AGBL4: variants seen among roughly 807,000 people sequenced by gnomAD.
The protein encoded by AGBL4 is AGBL carboxypeptidase 4.
In AGBL4, 58 loss-of-function variants were observed where a neutral mutation model predicts 66.4. That is an observed-to-expected ratio of 0.87 (90% CI 0.71 to 1.09). The LOEUF is 1.09. Ranked by LOEUF, AGBL4 falls within the 50% of genes least tolerant of loss-of-function variation. The probability of loss-of-function intolerance (pLI) is 0.00; values close to 1 mark genes in which losing one functional copy is unlikely to be tolerated. For synonymous variants in AGBL4, 234 were observed against 222.9 expected (o/e 1.05, Z -0.44); for missense variants, 579 against 631.0 (o/e 0.92, Z 0.88).
intron 4 of AGBL4, among the ~76,000 whole-genome samples, chr1:49,239,685 G>C (rs1437143705): frequency 6.6e-6 from 1 of 152,056 alleles, no homozygotes; most frequent in Non-Finnish European, 1.5e-5. Flanking sequence ...ATTAGGTTTA[G>C]TGGAAGATAC....
chr1:49,255,606 A>G (rs1048557122), intron 3 of AGBL4, among the ~76,000 whole-genome samples: 1 of 152,196 alleles, frequency 6.6e-6, no homozygotes, highest in African/African-American at 2.4e-5. Flanking sequence ...CAGTGTGGCA[A>G]TTCCTCAAAA....
At chr1:49,146,137 G>A (rs1298028789) in intron 4 of AGBL4, among the ~76,000 whole-genome samples, 1 of 152,108 alleles carries the variant, frequency 6.6e-6, no homozygotes, top group Non-Finnish European at 1.5e-5. Flanking sequence ...GGAGGAAGTA[G>A]GGACAGTCAA....
chr1:49,870,012 T>C (rs965495845), intron 1 of AGBL4, among the ~76,000 whole-genome samples: 2 of 152,150 alleles, frequency 1.3e-5, no homozygotes, highest in African/African-American at 4.8e-5. Context: ...GTAATTGATA[T>C]CCCAAACATT....
chr1:48,961,887 C>T (rs1658018307), intron 5 of AGBL4, among the ~76,000 whole-genome samples: 1 of 152,196 alleles, frequency 6.6e-6, no homozygotes, highest in African/African-American at 2.4e-5. Context: ...ACATCCAGGT[C>T]CACAGCGGGG....
At chr1:49,587,390 C>T (rs1644671358) in intron 3 of AGBL4, among the ~76,000 whole-genome samples, 1 of 152,136 alleles carries the variant, frequency 6.6e-6, no homozygotes, top group African/African-American at 2.4e-5. Context: ...GGGGCCCCTC[C>T]TCTGTGTTCC....
At chr1:49,720,847 C>T (rs1351766143) in intron 2 of AGBL4, among the ~76,000 whole-genome samples, 1 of 152,080 alleles carries the variant, frequency 6.6e-6, no homozygotes, top group African/African-American at 2.4e-5. Context: ...GGTTGCAAGA[C>T]TTGCAAAGAG....
chr1:48,673,251 G>C lies in AGBL4; in HGVS notation c.635-10010C>G, dbSNP rs572870618. ...GTGCAAACAGAAATTCAAGTTAAAT[G>C]GTTTGTAGCCTTGGAAGGACATTAT... On this transcript the variant is annotated intron_variant, in intron 6 of 13. Coordinates refer to ENST00000371839, the MANE Select transcript of AGBL4 (RefSeq NM_032785.4). Among the ~76,000 whole-genome samples the C allele has an allele frequency of 5.9e-5, 9 of 152,198 alleles. No individual in the cohort carries two copies. The East Asian group carries it at 1.7e-3, about 29-fold the overall frequency.
At chr1:49,893,547 G>T (rs1250970195) in intron 1 of AGBL4, among the ~76,000 whole-genome samples, 2 of 152,172 alleles carry the variant, frequency 1.3e-5, no homozygotes, top group African/African-American at 4.8e-5. Context: ...AGACTGAAAA[G>T]CCCTTGGGCC....
intron 5 of AGBL4, among the ~76,000 whole-genome samples, chr1:48,973,711 C>G (rs1659096654): frequency 6.6e-6 from 1 of 152,122 alleles, no homozygotes; most frequent in South Asian, 2.1e-4. Flanking sequence ...CTGCTCAAAC[C>G]TTTCTCCCCC....
intron 1 of AGBL4, among the ~76,000 whole-genome samples, chr1:49,904,387 T>C (rs1650063741): frequency 1.3e-5 from 2 of 152,172 alleles, no homozygotes; most frequent in African/African-American, 4.8e-5. Flanking sequence ...TTTCCAGTGT[T>C]GGTGCAACAT....
intron 5 of AGBL4, among the ~76,000 whole-genome samples, chr1:49,008,056 T>C (rs1210817412): frequency 1.3e-5 from 2 of 152,184 alleles, no homozygotes; most frequent in African/African-American, 2.4e-5. Context: ...ATGGACTAAA[T>C]GCTCCAATAA....
At chr1:49,250,968 C>A (rs1324307458) in intron 3 of AGBL4, among the ~76,000 whole-genome samples, 1 of 152,132 alleles carries the variant, frequency 6.6e-6, no homozygotes, top group East Asian at 1.9e-4. Context: ...ACCACCATCC[C>A]CCTAGGCTTG....
At chr1:49,004,225 C>T (rs1661605920) in intron 5 of AGBL4, among the ~76,000 whole-genome samples, 1 of 152,186 alleles carries the variant, frequency 6.6e-6, no homozygotes. Context: ...TTTTCACTCT[C>T]AATATGAGCT....
chr1:49,853,164 AC>A (rs1557514614), intron 1 of AGBL4, among the ~76,000 whole-genome samples: 1 of 151,980 alleles, frequency 6.6e-6, no homozygotes, highest in East Asian at 1.9e-4. Context: ...AGGACCAGAC[AC>A]AGAAATGACC....
intron 4 of AGBL4, among the ~76,000 whole-genome samples, chr1:49,240,246 T>C (rs1370208876): frequency 6.6e-6 from 1 of 152,140 alleles, no homozygotes; most frequent in East Asian, 1.9e-4. Flanking sequence ...TTACTTGCTG[T>C]CTATCCCATA....
intron 9 of AGBL4, among the ~76,000 whole-genome samples, chr1:48,606,200 T>C (rs1202021803): frequency 6.6e-6 from 1 of 151,946 alleles, no homozygotes; most frequent in Non-Finnish European, 1.5e-5. Context: ...GGGCTTTTTT[T>C]TTTTCCTTCT....
At chr1:49,971,907 G>GTTGTTTTTTTGTTTTTTTTT (rs1553155278) in intron 1 of AGBL4, among the ~76,000 whole-genome samples, 1 of 23,428 alleles carries the variant, frequency 4.3e-5, no homozygotes. Context: ...GTTTTTTTGG[G>GTTGTTTTTTTGTTTTTTTTT]TTTTTTTTTT....
At chr1:49,383,805 T>A (rs7522066) in intron 3 of AGBL4, among the ~76,000 whole-genome samples, 98,788 of 149,272 alleles carry the variant, frequency 0.66, 33,004 homozygotes, top group Admixed American at 0.73. Context: ...ATATATATAT[T>A]TTTTTTTTTT....
Position 49,283,281 on chromosome 1 carries a change from G to A in AGBL4, c.283-37417C>T, listed in dbSNP as rs533273562. Reference sequence around the variant, plus strand: ...GGCACACTGACACCTCACACGGCAGGGTATTCCAACAGACTCGCAGCTGAG... The same window carrying A: ...GGCACACTGACACCTCACACGGCAGAGTATTCCAACAGACTCGCAGCTGAG... On this transcript the variant is annotated intron_variant, in intron 3 of 13. Transcript: ENST00000371839. Among the ~76,000 whole-genome samples the A allele has an allele frequency of 1.4e-4, 22 of 152,138 alleles. No individual in the cohort carries two copies. In the East Asian group the frequency reaches 2.3e-3, roughly 16 times the overall value.
Sources: allele counts gnomAD v4.1 joint callset (sites outside exome capture counted in the v4.1 genomes callset), GRCh38; gene constraint gnomAD v4.1.1; transcripts MANE v1.5; gene names NCBI Gene and HGNC (gene_info 2026-07-23, HGNC 2026-07-21).